Variants in SNTB1 observed in about 807,000 individuals in gnomAD.
SNTB1 encodes syntrophin beta 1, also known as beta-1-syntrophin.
Under a neutral mutation model 48.9 loss-of-function variants are expected in SNTB1, and 36 were observed. The ratio of observed to expected loss-of-function variants is 0.74; its 90% CI spans 0.56 to 0.97. The LOEUF (loss-of-function observed/expected upper bound fraction) is 0.97. Ranked by LOEUF, SNTB1 falls within the 50% of genes least tolerant of loss-of-function variation. The probability of loss-of-function intolerance (pLI) is 0.00; values close to 1 mark genes in which losing one functional copy is unlikely to be tolerated. For missense variants in SNTB1, 786 were observed against 703.4 expected (o/e 1.12, Z -1.33); for synonymous variants, 299 against 294.6 (o/e 1.01, Z -0.15).
intron 2 of SNTB1, among the ~76,000 whole-genome samples, chr8:120,644,331 G>C (rs1485438743): frequency 9.6e-6 from 1 of 103,886 alleles, no homozygotes; most frequent in African/African-American, 4.0e-5. Context: ...CCCCACAACA[G>C]TCCCCAGAGT....
In SNTB1 at chr8:120,603,145, C is replaced by G. The variant is rs1344118451; in HGVS notation, c.997-27920G>C. On this transcript the variant is annotated intron_variant, in intron 3 of 6. Transcript: ENST00000517992. ...TGAGACGGGGTTTCGCTCTGTCGCC[C>G]AGGCTGGAATGCAGTGGCGCGATCT... Among the ~76,000 whole-genome samples, 4 of 151,738 alleles carry G rather than the reference C, an allele frequency of 2.6e-5. 1 individual carries two copies. The East Asian group carries it at 7.7e-4, about 29-fold the overall frequency.
chr8:120,666,381 G>C (rs1304990504), intron 2 of SNTB1, among the ~76,000 whole-genome samples: 1 of 152,158 alleles, frequency 6.6e-6, no homozygotes, highest in Non-Finnish European at 1.5e-5. Context: ...TTTTATTTCA[G>C]TACTTGGAAA....
intron 1 of SNTB1, among the ~76,000 whole-genome samples, chr8:120,701,434 C>T (rs1818307862): frequency 6.6e-6 from 1 of 152,052 alleles, no homozygotes; most frequent in Non-Finnish European, 1.5e-5. Flanking sequence ...TTCTCTGATT[C>T]CTTGGGAAGC....
rs1385654732 is a variant in SNTB1, at chr8:120,536,189, G to T, written c.*2688C>A. 6.6e-6 allele frequency: 1 copy of T among 152,140 alleles called. No individual in the cohort carries two copies. Among genetic ancestry groups the T allele is most frequent in the Non-Finnish European group, 1.5e-5 (1 of 68,022 alleles). The allele number at this position is 152,140 out of a possible 1,614,324, so 9.4% of individuals were successfully genotyped here. ...TAAATCCCTATGAGATGGCTTAAAA[G>T]GATGTCACTGCACCAGAGGACTCAC... On this transcript the variant is annotated 3_prime_UTR_variant, in exon 7 of 7. Coordinates refer to ENST00000517992, the MANE Select transcript of SNTB1 (RefSeq NM_021021.4).
In SNTB1 at chr8:120,715,248, C is replaced by T. The variant is rs767038342; in HGVS notation, c.572-21340G>A. On this transcript the variant is annotated intron_variant, in intron 1 of 6. Coordinates refer to ENST00000517992, the MANE Select transcript of SNTB1 (RefSeq NM_021021.4). ...CTAAATGAGTGAAAGTCAAAACATG[C>T]GTTTTTTGGTCTCATTAAGCTCACA... 5.3e-5 allele frequency among the ~76,000 whole-genome samples: 8 copies of T among 152,282 alleles called. No homozygotes were observed. The East Asian group carries it at 5.8e-4, about 11-fold the overall frequency.
At chr8:120,782,904 G>C (rs1211537896) in intron 1 of SNTB1, among the ~76,000 whole-genome samples, 1 of 152,130 alleles carries the variant, frequency 6.6e-6, no homozygotes, top group African/African-American at 2.4e-5. Flanking sequence ...AGGAAAACAA[G>C]TTTCTCTTTG....
At chr8:120,610,800 C>CT (rs953761129) in intron 3 of SNTB1, among the ~76,000 whole-genome samples, 9 of 152,268 alleles carry the variant, frequency 5.9e-5, no homozygotes, top group Admixed American at 2.6e-4. Flanking sequence ...TAAGAGACTG[C>CT]TTTTCCCTGG....
At chr8:120,704,260 G>A (rs1818347752) in intron 1 of SNTB1, among the ~76,000 whole-genome samples, 1 of 152,120 alleles carries the variant, frequency 6.6e-6, no homozygotes, top group Non-Finnish European at 1.5e-5. Flanking sequence ...TGACTAGCCT[G>A]AGCAATACAG....
rs60106564 is a variant in SNTB1 at position 120,669,654 on chromosome 8, G to A, written c.788+24038C>T. On this transcript the variant is annotated intron_variant, in intron 2 of 6. Coordinates refer to ENST00000517992, the MANE Select transcript of SNTB1 (RefSeq NM_021021.4). ...TTTTTAGTAGAGACGGGGTTTCACCGTGTTAGCCAGGATGGTCTCGATCTC... is the reference window on the plus strand; with the variant it reads ...TTTTTAGTAGAGACGGGGTTTCACCATGTTAGCCAGGATGGTCTCGATCTC... Among the ~76,000 whole-genome samples, 3 of 85,154 alleles carry A rather than the reference G, an allele frequency of 3.5e-5. 1 individual carries two copies. The highest frequency in any genetic ancestry group is 4.0e-5 in the Non-Finnish European group (2 of 50,166). 55.9% of individuals were successfully genotyped at this position (85,154 alleles called of 152,430 possible).
chr8:120,654,188 G>T (rs946985422), intron 2 of SNTB1, among the ~76,000 whole-genome samples: 1 of 151,876 alleles, frequency 6.6e-6, no homozygotes, highest in Non-Finnish European at 1.5e-5. Context: ...GCCCAGGGTA[G>T]GTCTCCACTC....
chr8:120,767,517 C>A (rs1475963810), intron 1 of SNTB1, among the ~76,000 whole-genome samples: 1 of 152,126 alleles, frequency 6.6e-6, no homozygotes, highest in Non-Finnish European at 1.5e-5. Flanking sequence ...CAACAAAACA[C>A]CAAAAAGGTA....
intron 3 of SNTB1, among the ~76,000 whole-genome samples, chr8:120,621,052 C>A (rs1387824776): frequency 6.6e-6 from 1 of 152,040 alleles, no homozygotes; most frequent in South Asian, 2.1e-4. Context: ...CTCCACCTCC[C>A]GGGTTCAAGT....
intron 1 of SNTB1, among the ~76,000 whole-genome samples, chr8:120,797,908 G>A (rs571398620): frequency 1.3e-5 from 2 of 151,880 alleles, no homozygotes; most frequent in Admixed American, 1.3e-4. Flanking sequence ...TTTATTCCAC[G>A]CCTAGCTTTT....
chr8:120,706,709 G>A (rs943650491), intron 1 of SNTB1, among the ~76,000 whole-genome samples: 13 of 152,132 alleles, frequency 8.5e-5, no homozygotes, highest in African/African-American at 1.4e-4. Context: ...GAAACTTTAC[G>A]TCAAAAGCAG....
At chr8:120,717,838 AG>A (rs1223609953) in intron 1 of SNTB1, among the ~76,000 whole-genome samples, 2 of 152,194 alleles carry the variant, frequency 1.3e-5, no homozygotes, top group African/African-American at 4.8e-5. Context: ...GTTTAGAGAA[AG>A]CAAAAATAAA....
chr8:120,617,933 T>C (rs1397259953), intron 3 of SNTB1, among the ~76,000 whole-genome samples: 2 of 152,164 alleles, frequency 1.3e-5, no homozygotes, highest in Non-Finnish European at 2.9e-5. Context: ...CGAGTGAAGG[T>C]ACAACTGCCT....
intron 5 of SNTB1, among the ~76,000 whole-genome samples, chr8:120,547,497 T>C (rs1045140886): frequency 6.7e-6 from 1 of 148,780 alleles, no homozygotes. Flanking sequence ...CTCAGGAGGC[T>C]GAGGCAGGAG....
chr8:120,682,704 G>A (rs1206780946), intron 2 of SNTB1, among the ~76,000 whole-genome samples: 2 of 152,078 alleles, frequency 1.3e-5, no homozygotes, highest in South Asian at 4.2e-4. Flanking sequence ...ATGTAGGTGG[G>A]TGGGTACGTA....
At position 120,632,598 on chromosome 8, in the gene SNTB1, T is replaced by C. The variant is rs1817003172; in HGVS notation, c.842A>G (p.Lys281Arg). ...CCATGCCTGGGCCGTGGCTGAGTCC[T>C]TGCTCCTTAGGATCACCGTGTGCTT... Reference protein sequence around the residue: ...DAKHTVILRSKDSATAQAWFS... With the variant: ...DAKHTVILRSRDSATAQAWFS... Residue 281 changes from lysine to arginine, a missense_variant, in exon 3 of 7, where the codon AAG becomes AGG. Lys to Arg is a conservative substitution (Grantham distance 26, BLOSUM62 2). Transcript: ENST00000517992. The C allele has an allele frequency of 6.2e-7, 1 of 1,614,008 alleles. No individual in the cohort carries two copies. The highest frequency in any genetic ancestry group is 1.7e-5 in the Admixed American group (1 of 60,000).
Sources: gnomAD v4.1 joint callset for allele counts (sites outside exome capture counted in the v4.1 genomes callset) on GRCh38, gnomAD v4.1.1 for gene constraint, MANE v1.5 for transcripts, NCBI Gene and HGNC (gene_info 2026-07-23, HGNC 2026-07-21) for gene names.